The following RAI14 variants were observed in gnomAD, a reference collection of about 807,000 sequenced individuals.
The protein encoded by RAI14 is ankycorbin.
A neutral mutation model predicts 115.4 loss-of-function variants in RAI14; 45 were observed. The ratio of observed to expected loss-of-function variants is 0.39; its 90% CI spans 0.31 to 0.50. RAI14 has a LOEUF of 0.50. Among genes scored for constraint, RAI14 ranks in the 20% least tolerant of loss-of-function variants. The probability of loss-of-function intolerance (pLI) is 0.85; values close to 1 mark genes in which losing one functional copy is unlikely to be tolerated. For synonymous variants in RAI14, 371 were observed against 415.4 expected (o/e 0.89, Z 1.30); for missense variants, 939 against 1,131.2 (o/e 0.83, Z 2.44).
intron 2 of RAI14, among the ~76,000 whole-genome samples, chr5:34,730,466 G>A (rs72730549): frequency 0.033 from 4,963 of 151,780 alleles, 109 homozygotes; most frequent in South Asian, 0.07. Context: ...CTCTTGAAGC[G>A]GGAGTTCAAG....
At position 34,824,424 on chromosome 5, in the gene RAI14, A is replaced by G; in HGVS notation, c.2582A>G (p.Glu861Gly). 2 of 1,606,534 alleles carry G rather than the reference A, an allele frequency of 1.2e-6. No homozygotes were observed. The highest frequency in any genetic ancestry group is 4.5e-5 in the East Asian group (2 of 44,690). ...CTGCAAAAATTCCAGCAAGCTCAGG[A>G]AGAACTTGCAGAAATGAAAAGATAC... ...ELLQKFQQAQ[E>G]ELAEMKRYAE... is the part of the protein sequence containing the mutation. The change falls in exon 15 of 18, where the codon GAA (glutamate) becomes GGA (glycine). Residue 861 changes from glutamate (E) to glycine (G), a missense_variant. By Grantham distance (98) the Glu-to-Gly change is moderately conservative. Transcript: ENST00000265109.
intron 13 of RAI14, among the ~76,000 whole-genome samples, chr5:34,820,709 T>G (rs1756736411): frequency 6.6e-6 from 1 of 152,234 alleles, no homozygotes; most frequent in Non-Finnish European, 1.5e-5. Context: ...TGTAGGACTT[T>G]CTAGATGAAG....
At chr5:34,727,866 A>C (rs1369272575) in intron 2 of RAI14, among the ~76,000 whole-genome samples, 1 of 152,140 alleles carries the variant, frequency 6.6e-6, no homozygotes, top group Non-Finnish European at 1.5e-5. Context: ...GTGGAAGATA[A>C]ATGTGGAGTG....
chr5:34,777,469 A>G (rs912388080), intron 3 of RAI14, among the ~76,000 whole-genome samples: 1 of 151,752 alleles, frequency 6.6e-6, no homozygotes, highest in Non-Finnish European at 1.5e-5. Flanking sequence ...AACCAAAAAA[A>G]CAAACAAAAA....
intron 1 of RAI14, among the ~76,000 whole-genome samples, chr5:34,660,653 A>G (rs1742619312): frequency 6.6e-6 from 1 of 152,066 alleles, no homozygotes. Flanking sequence ...CTGTTCTAAG[A>G]GTCTGTGAAA....
chr5:34,729,264 G>T (rs1260463534), intron 2 of RAI14, among the ~76,000 whole-genome samples: 1 of 151,666 alleles, frequency 6.6e-6, no homozygotes, highest in Non-Finnish European at 1.5e-5. Flanking sequence ...CAGGAGGATT[G>T]CTTGAGCCCG....
chr5:34,695,471 G>A (rs1160276578), intron 2 of RAI14, among the ~76,000 whole-genome samples: 3 of 152,182 alleles, frequency 2.0e-5, no homozygotes, highest in African/African-American at 7.2e-5. Context: ...TGTGCAGTGT[G>A]CTAGCCACTG....
At chr5:34,680,336 G>A (rs868220745) in intron 1 of RAI14, among the ~76,000 whole-genome samples, 47 of 152,300 alleles carry the variant, frequency 3.1e-4, no homozygotes, top group African/African-American at 8.7e-4. Flanking sequence ...ACATGGTGCT[G>A]GTCCCTAGCA....
intron 3 of RAI14, among the ~76,000 whole-genome samples, chr5:34,773,624 A>C (rs190440552): frequency 1.6e-4 from 25 of 152,324 alleles, no homozygotes; most frequent in Non-Finnish European, 1.9e-4. Flanking sequence ...AAAAAAAGAC[A>C]TACAAATGGC....
chr5:34,695,100 A>G (rs1739061257), intron 2 of RAI14, among the ~76,000 whole-genome samples: 1 of 152,072 alleles, frequency 6.6e-6, no homozygotes, highest in Non-Finnish European at 1.5e-5. Context: ...GGGTTTCGCC[A>G]TGTTGCCCAG....
At chr5:34,806,296 C>T (rs956717975) in intron 5 of RAI14, among the ~76,000 whole-genome samples, 1 of 152,138 alleles carries the variant, frequency 6.6e-6, no homozygotes, top group Non-Finnish European at 1.5e-5. Flanking sequence ...GGATGTAGGG[C>T]CTTTTGTATG....
chr5:34,730,958 T>G (rs1439922437), intron 2 of RAI14, among the ~76,000 whole-genome samples: 1 of 152,156 alleles, frequency 6.6e-6, no homozygotes, highest in African/African-American at 2.4e-5. Flanking sequence ...ACTCCCAGCC[T>G]GGGCAACAAG....
chr5:34,774,079 G>A (rs552508544), intron 3 of RAI14, among the ~76,000 whole-genome samples: 6 of 152,098 alleles, frequency 3.9e-5, no homozygotes, highest in African/African-American at 9.7e-5. Context: ...AAGCCTGGGC[G>A]CAGTGGCCCA....
At chr5:34,799,684 C>CCTTTTTTTTTTTTTTTTT (rs1754015236) in intron 4 of RAI14, among the ~76,000 whole-genome samples, 1 of 97,860 alleles carries the variant, frequency 1.0e-5, no homozygotes, top group African/African-American at 3.6e-5. Context: ...AATCTGTTAG[C>CCTTTTTTTTTTTTTTTTT]ATTTTTTTTT....
At chr5:34,750,958 T>C (rs1237010748) in intron 2 of RAI14, among the ~76,000 whole-genome samples, 2 of 145,730 alleles carry the variant, frequency 1.4e-5, no homozygotes, top group East Asian at 4.2e-4. Context: ...GTTCAAGTGA[T>C]TCTCCTGCCT....
intron 7 of RAI14, among the ~76,000 whole-genome samples, chr5:34,810,492 C>T (rs1755450598): frequency 6.6e-6 from 1 of 152,132 alleles, no homozygotes; most frequent in East Asian, 1.9e-4. Flanking sequence ...GTGTTAGTAA[C>T]AGACATAGGC....
intron 3 of RAI14, among the ~76,000 whole-genome samples, chr5:34,780,002 A>G (rs115862807): frequency 0.032 from 4,933 of 152,256 alleles, 282 homozygotes; most frequent in African/African-American, 0.11. Context: ...AAAACAGCAC[A>G]GTACTGGTAC....
intron 3 of RAI14, among the ~76,000 whole-genome samples, chr5:34,762,376 C>T (rs868439819): frequency 9.2e-5 from 14 of 152,174 alleles, no homozygotes; most frequent in South Asian, 4.2e-4. Context: ...TCTCCACAGA[C>T]GTTCTCCAGA....
intron 5 of RAI14, 112 bp downstream of exon 5, chr5:34,803,888 C>G (rs963708929): frequency 1.1e-6 from 1 of 915,532 alleles, no homozygotes; most frequent in Non-Finnish European, 1.7e-6. Flanking sequence ...AAATACTGTC[C>G]CCAAACCTGT....
Sources: gnomAD v4.1 joint callset for allele counts (sites outside exome capture counted in the v4.1 genomes callset) on GRCh38, gnomAD v4.1.1 for gene constraint, MANE v1.5 for transcripts, NCBI Gene and HGNC (gene_info 2026-07-23, HGNC 2026-07-21) for gene names.